The following SETBP1 variants were observed in gnomAD, a reference collection of about 807,000 sequenced individuals.
SETBP1 encodes SET binding protein 1.
A neutral mutation model predicts 101.0 loss-of-function variants in SETBP1; 9 were observed. The observed-to-expected ratio is 0.09, with a 90% confidence interval of 0.05 to 0.16. The LOEUF is 0.16. SETBP1 is among the 10% of genes least tolerant of loss of function. The pLI, the probability that SETBP1 is intolerant of heterozygous loss-of-function variation, is 1.00. For synonymous variants in SETBP1, 818 were observed against 788.5 expected, an observed-to-expected ratio of 1.04 and a Z score of -0.63; for missense variants, 1,858 against 2,033.8, an observed-to-expected ratio of 0.91 and a Z score of 1.66.
At chr18:45,003,815 TA>T (rs1276109469) in intron 4 of SETBP1, among the ~76,000 whole-genome samples, 3 of 152,240 alleles carry the variant, frequency 2.0e-5, no homozygotes, top group Non-Finnish European at 2.9e-5. Context: ...GACTCTCTTT[TA>T]AATTCCAGGA....
intron 3 of SETBP1, among the ~76,000 whole-genome samples, chr18:44,886,705 A>T (rs1384540509): frequency 6.6e-6 from 1 of 151,434 alleles, no homozygotes; most frequent in South Asian, 2.1e-4. Flanking sequence ...TGGGATTTTC[A>T]TTAGTTTGGC....
intron 3 of SETBP1, among the ~76,000 whole-genome samples, chr18:44,872,381 C>T (rs140387662): frequency 6.6e-6 from 1 of 152,154 alleles, no homozygotes; most frequent in African/African-American, 2.4e-5. Flanking sequence ...TCTACATAGA[C>T]ACACACATCT....
intron 2 of SETBP1, among the ~76,000 whole-genome samples, chr18:44,861,229 C>CTTTTTTTTTT (rs775284488): frequency 2.9e-4 from 26 of 88,332 alleles, no homozygotes; most frequent in African/African-American, 3.9e-4. Flanking sequence ...TTTTTCTTTT[C>CTTTTTTTTTT]TTTTTTTTTT....
chr18:45,036,496 A>G (rs1465647930), intron 4 of SETBP1, among the ~76,000 whole-genome samples: 1 of 152,210 alleles, frequency 6.6e-6, no homozygotes, highest in Non-Finnish European at 1.5e-5. Flanking sequence ...CATGATGAGC[A>G]CACCTGCAAA....
chr18:44,880,912 T>C (rs967548933), intron 3 of SETBP1, among the ~76,000 whole-genome samples: 32 of 152,180 alleles, frequency 2.1e-4, no homozygotes, highest in Admixed American at 2.1e-3. Context: ...ATCCAAACTA[T>C]ATCAAGCATG....
intron 4 of SETBP1, among the ~76,000 whole-genome samples, chr18:44,984,217 G>A (rs1177279001): frequency 2.0e-5 from 3 of 152,228 alleles, no homozygotes; most frequent in Admixed American, 1.3e-4. Flanking sequence ...CAAAAACCAT[G>A]TATCAGTGGT....
At chr18:44,937,751 C>G (rs1357522619) in intron 3 of SETBP1, among the ~76,000 whole-genome samples, 1 of 152,150 alleles carries the variant, frequency 6.6e-6, no homozygotes, top group African/African-American at 2.4e-5. Flanking sequence ...CTCAGACTTC[C>G]AAAATCAATC....
chr18:44,715,869 G>A (rs895302409), intron 2 of SETBP1, among the ~76,000 whole-genome samples: 5 of 152,166 alleles, frequency 3.3e-5, no homozygotes, highest in African/African-American at 7.2e-5. Context: ...GGAAGTGGGC[G>A]CGTCCAGATA....
intron 1 of SETBP1, among the ~76,000 whole-genome samples, chr18:44,683,996 G>A (rs1239458725): frequency 6.6e-6 from 1 of 152,202 alleles, no homozygotes; most frequent in Non-Finnish European, 1.5e-5. Flanking sequence ...CAGTGTATGT[G>A]AGAGTCCTAC....
Position 45,063,067 on chromosome 18 carries a change from C to T in SETBP1, c.4172-12C>T. On this transcript the variant is annotated splice_polypyrimidine_tract_variant and intron_variant, in intron 5 of 5. Transcript: ENST00000649279. ...TCCTGTGCTCAATTTCTTATCTCTT[C>T]CCCTCCCGCAGTCGGCTCCTCCCTG... 1.2e-6 allele frequency: 2 copies of T among 1,613,760 alleles called. No individual in the cohort carries two copies.
chr18:45,025,064 AAATT>A (rs1355853680), intron 4 of SETBP1, among the ~76,000 whole-genome samples: 18 of 152,194 alleles, frequency 1.2e-4, no homozygotes, highest in African/African-American at 3.9e-4. Context: ...ACAAGATAAC[AAATT>A]AATTGTCTGT....
At chr18:45,038,439 C>T in intron 4 of SETBP1, 46 bp from the exon 5 acceptor site, 1 of 1,578,874 alleles carries the variant, frequency 6.3e-7, no homozygotes, top group Admixed American at 1.7e-5. Context: ...GTCTATCTTC[C>T]TGTTCCCTTA....
At chr18:44,768,031 G>A (rs573138580) in intron 2 of SETBP1, among the ~76,000 whole-genome samples, 6 of 152,258 alleles carry the variant, frequency 3.9e-5, no homozygotes, top group East Asian at 3.9e-4. Context: ...TTTCTTTCCC[G>A]TAATAGACTG....
intron 4 of SETBP1, among the ~76,000 whole-genome samples, chr18:45,008,774 C>T (rs970268079): frequency 1.3e-5 from 2 of 152,184 alleles, no homozygotes; most frequent in African/African-American, 4.8e-5. Context: ...AGAGCAGACC[C>T]CAACTCCTGG....
At chr18:44,986,283 A>G (rs1420832779) in intron 4 of SETBP1, 1 of 152,252 alleles carries the variant, frequency 6.6e-6, no homozygotes, top group African/African-American at 2.4e-5. Context: ...GGTGTCAAGG[A>G]TAAATAATGG....
At chr18:44,692,233 A>C (rs1381943145) in intron 1 of SETBP1, among the ~76,000 whole-genome samples, 1 of 152,210 alleles carries the variant, frequency 6.6e-6, no homozygotes, top group Non-Finnish European at 1.5e-5. Flanking sequence ...AAAAGTTTGC[A>C]CACTTACTAA....
At chr18:45,029,609 G>A (rs910533911) in intron 4 of SETBP1, among the ~76,000 whole-genome samples, 2 of 152,110 alleles carry the variant, frequency 1.3e-5, no homozygotes. Flanking sequence ...GGGCAGTATG[G>A]CCATTTTCAT....
intron 2 of SETBP1, among the ~76,000 whole-genome samples, chr18:44,734,703 C>T (rs1464881722): frequency 1.3e-5 from 2 of 152,132 alleles, no homozygotes; most frequent in Non-Finnish European, 2.9e-5. Flanking sequence ...CCTTCCTTAC[C>T]TCTAAACTTC....
chr18:44,975,259 A>G (rs1320272612), intron 4 of SETBP1, among the ~76,000 whole-genome samples: 1 of 152,230 alleles, frequency 6.6e-6, no homozygotes, highest in East Asian at 1.9e-4. Context: ...TACTAGACGC[A>G]GGGCACTGTT....
Sources: allele counts gnomAD v4.1 joint callset (sites outside exome capture counted in the v4.1 genomes callset), GRCh38; gene constraint gnomAD v4.1.1; transcripts MANE v1.5; gene names NCBI Gene and HGNC (gene_info 2026-07-23, HGNC 2026-07-21).